RELCH: variants seen among roughly 807,000 people sequenced by gnomAD.
RELCH encodes RAB11 binding and LisH domain, coiled-coil and HEAT repeat containing, also known as RAB11-binding protein RELCH.
In RELCH, 41 loss-of-function variants were observed where a neutral mutation model predicts 150.3. The observed-to-expected ratio is 0.27, with a 90% confidence interval of 0.21 to 0.35. The LOEUF is 0.35. Among genes scored for constraint, RELCH ranks in the 10% least tolerant of loss-of-function variants. The pLI is 1.00. For missense variants in RELCH, 1,092 were observed against 1,467.8 expected (o/e 0.74, Z 4.18); for synonymous variants, 478 against 531.8 (o/e 0.90, Z 1.39).
chr18:62,248,463 G>A (rs1190225314), intron 11 of RELCH, among the ~76,000 whole-genome samples: 2 of 152,064 alleles, frequency 1.3e-5, no homozygotes, highest in East Asian at 1.9e-4. Context: ...AATAAGCAGA[G>A]GGAACACTGG....
At chr18:62,281,229 G>A (rs898178521) in intron 24 of RELCH, among the ~76,000 whole-genome samples, 11 of 152,192 alleles carry the variant, frequency 7.2e-5, no homozygotes, top group Admixed American at 3.3e-4. Context: ...TCTATTACCC[G>A]GTAGGCTTCT....
chr18:62,286,194 T>C (rs935186379), intron 25 of RELCH, among the ~76,000 whole-genome samples: 34 of 152,316 alleles, frequency 2.2e-4, no homozygotes, highest in African/African-American at 8.2e-4. Context: ...TCTGAATGTT[T>C]GGGCAGAAAT....
At chr18:62,234,320 GT>G (rs201092211) in intron 10 of RELCH, among the ~76,000 whole-genome samples, 49 of 144,570 alleles carry the variant, frequency 3.4e-4, no homozygotes, top group East Asian at 2.4e-3. Context: ...TGTTTTTTGG[GT>G]TTTTTTTTTT....
intron 10 of RELCH, among the ~76,000 whole-genome samples, chr18:62,239,422 T>C (rs1275164826): frequency 1.3e-5 from 2 of 151,940 alleles, no homozygotes; most frequent in Non-Finnish European, 2.9e-5. Flanking sequence ...AAGTTTCAAC[T>C]GAAAAGTTAA....
At chr18:62,264,881 T>G in intron 18 of RELCH, 29 bp downstream of exon 18, 2 of 1,564,354 alleles carry the variant, frequency 1.3e-6, no homozygotes, top group Non-Finnish European at 1.7e-6. Context: ...TGTTTTCTTA[T>G]ATGAAAAAGA....
intron 10 of RELCH, among the ~76,000 whole-genome samples, chr18:62,233,961 T>C (rs991817549): frequency 1.3e-5 from 2 of 152,006 alleles, no homozygotes; most frequent in Non-Finnish European, 2.9e-5. Flanking sequence ...TGTGGTATGA[T>C]GTTTACTTTT....
intron 5 of RELCH, among the ~76,000 whole-genome samples, chr18:62,226,911 G>A (rs1427947050): frequency 6.6e-6 from 1 of 152,078 alleles, no homozygotes; most frequent in East Asian, 1.9e-4. Context: ...ACAGAGGCTG[G>A]CTGTGGTGGC....
At chr18:62,296,385 G>A (rs191854670) in intron 27 of RELCH, among the ~76,000 whole-genome samples, 2 of 152,122 alleles carry the variant, frequency 1.3e-5, no homozygotes, top group East Asian at 1.9e-4. Context: ...TCAGGAGTTC[G>A]AGACCAGCCT....
At chr18:62,262,646 G>A (rs1010096478) in intron 16 of RELCH, among the ~76,000 whole-genome samples, 17 of 151,938 alleles carry the variant, frequency 1.1e-4, no homozygotes, top group Middle Eastern at 3.2e-3. Context: ...CTTTAGATAA[G>A]ACTTCATAAA....
At chr18:62,193,818 C>T (rs2038826348) in intron 1 of RELCH, among the ~76,000 whole-genome samples, 2 of 151,858 alleles carry the variant, frequency 1.3e-5, no homozygotes, top group African/African-American at 4.8e-5. Flanking sequence ...AGTATTTTGC[C>T]CTTTTTTAAA....
chr18:62,203,220 G>C (rs1358651504), intron 1 of RELCH, among the ~76,000 whole-genome samples: 1 of 152,194 alleles, frequency 6.6e-6, no homozygotes, highest in African/African-American at 2.4e-5. Flanking sequence ...CACTTTGGGA[G>C]GCCGAGGCAG....
chr18:62,257,164 A>G (rs536141844), intron 13 of RELCH, among the ~76,000 whole-genome samples: 11 of 152,180 alleles, frequency 7.2e-5, no homozygotes, highest in African/African-American at 2.4e-4. Flanking sequence ...ATAAATTGCA[A>G]TATTAGTACA....
At chr18:62,207,156 A>T (rs2039854046) in intron 1 of RELCH, among the ~76,000 whole-genome samples, 1 of 151,754 alleles carries the variant, frequency 6.6e-6, no homozygotes, top group African/African-American at 2.4e-5. Context: ...TTCCCCCTCA[A>T]CCCCCAATCA....
At position 62,288,678 on chromosome 18, in the gene RELCH, A is replaced by C. The variant is rs370688506; in HGVS notation, c.3370+1211A>C. On this transcript the variant is annotated intron_variant, in intron 26 of 28. Coordinates refer to ENST00000644646, the MANE Select transcript of RELCH (RefSeq NM_001346231.2). Reference sequence around the variant, plus strand: ...GGCACCATATTTTAATAATTTAATAATTTTGTAACCTCAACTATTCATGTC... The same window carrying C: ...GGCACCATATTTTAATAATTTAATACTTTTGTAACCTCAACTATTCATGTC... Among the ~76,000 whole-genome samples, 11 of 152,158 alleles carry C rather than the reference A, an allele frequency of 7.2e-5. No individual in the cohort carries two copies. The East Asian group carries it at 7.7e-4, about 11-fold the overall frequency.
intron 5 of RELCH, among the ~76,000 whole-genome samples, chr18:62,222,251 A>G (rs887030973): frequency 1.3e-5 from 2 of 152,004 alleles, no homozygotes; most frequent in Non-Finnish European, 2.9e-5. Flanking sequence ...CTCAGTTATT[A>G]GAATATATTT....
intron 11 of RELCH, among the ~76,000 whole-genome samples, chr18:62,250,386 A>G (rs2042639692): frequency 6.6e-6 from 1 of 152,180 alleles, no homozygotes; most frequent in Non-Finnish European, 1.5e-5. Flanking sequence ...AGCTATTACA[A>G]TTATCAAACA....
At chr18:62,194,258 A>G (rs1301840870) in intron 1 of RELCH, among the ~76,000 whole-genome samples, 3 of 152,178 alleles carry the variant, frequency 2.0e-5, no homozygotes, top group African/African-American at 7.2e-5. Flanking sequence ...AAAAACCCCA[A>G]AAAACAGTGT....
chr18:62,227,799 C>T (rs1261866609), intron 7 of RELCH, 110 bp downstream of exon 7: 8 of 506,858 alleles, frequency 1.6e-5, no homozygotes, highest in Non-Finnish European at 2.4e-5. Flanking sequence ...AATTGCTTCA[C>T]ATTTTAATAC....
intron 15 of RELCH, among the ~76,000 whole-genome samples, chr18:62,260,425 C>T (rs967943649): frequency 8.7e-5 from 13 of 150,140 alleles, no homozygotes; most frequent in African/African-American, 7.3e-5. Context: ...GGGGAACCTT[C>T]GTACACTGTT....
Sources: allele counts gnomAD v4.1 joint callset (sites outside exome capture counted in the v4.1 genomes callset), GRCh38; gene constraint gnomAD v4.1.1; transcripts MANE v1.5; gene names NCBI Gene and HGNC (gene_info 2026-07-23, HGNC 2026-07-21).